PORCN: variants seen among roughly 807,000 people sequenced by gnomAD.
PORCN encodes the protein porcupine O-acyltransferase, also known as protein-serine O-palmitoleoyltransferase porcupine.
Under a neutral mutation model 43.0 loss-of-function variants are expected in PORCN, and 1 was observed. The observed-to-expected ratio is 0.02, with a 90% confidence interval of 0.01 to 0.11. The LOEUF (loss-of-function observed/expected upper bound fraction) is 0.11, where lower values mean the gene tolerates loss of function less well. Among genes scored for constraint, PORCN ranks in the 10% least tolerant of loss-of-function variants. The pLI is 1.00. For synonymous variants in PORCN, 148 were observed against 166.4 expected, an observed-to-expected ratio of 0.89 and a Z score of 0.85; for missense variants, 240 against 392.1, an observed-to-expected ratio of 0.61 and a Z score of 3.28.
chrX:48,513,175 T>C (rs1278054246), intron 7 of PORCN, among the ~76,000 whole-genome samples: 4 of 112,765 alleles, frequency 3.5e-5, no homozygotes, highest in African/African-American at 9.7e-5. Flanking sequence ...GGGATATGTA[T>C]GATGTATGTT....
At chrX:48,518,516 C>T (rs1041903420) in intron 14 of PORCN, among the ~76,000 whole-genome samples, 2 of 111,278 alleles carry the variant, frequency 1.8e-5, no homozygotes, top group South Asian at 3.7e-4. Context: ...CCACCACGCC[C>T]GGCCAAAAAA....
At chrX:48,518,470 C>A (rs191796259) in intron 14 of PORCN, among the ~76,000 whole-genome samples, 1 of 111,925 alleles carries the variant, frequency 8.9e-6, no homozygotes, top group Non-Finnish European at 1.9e-5. Context: ...ATCCACCCGC[C>A]TCAGCCTCCC....
chrX:48,516,163 G>A lies in PORCN; in HGVS notation c.1173+17G>A. On this transcript the variant is annotated intron_variant, in intron 13 of 14. Coordinates refer to ENST00000326194, the MANE Select transcript of PORCN (RefSeq NM_203475.3). ...CATCGCTTGGTGAGGGTTCAGCCTG[G>A]GCAACCTTGTGCCCAACACTCCCTG... is the stretch of plus-strand genomic sequence containing the variant. The A allele has an allele frequency of 8.4e-7, 1 of 1,195,832 alleles. No homozygotes were observed. Among genetic ancestry groups the A allele is most frequent in the Non-Finnish European group, 1.1e-6 (1 of 881,563 alleles).
rs1602085886 is a variant in PORCN at position 48,520,672 on chromosome X, G to A, written c.*196G>A. ...CAATCCCCACCCCACCACAAGGCAG[G>A]AAGGGGGTGGTGCCTGCTGGGGCCT... On this transcript the variant is annotated 3_prime_UTR_variant, in exon 15 of 15. Transcript: ENST00000326194. 5 of 467,740 alleles carry A rather than the reference G, an allele frequency of 1.1e-5. No individual in the cohort carries two copies. The highest frequency in any genetic ancestry group is 8.5e-5 in the Admixed American group (3 of 35,375). 38.5% of individuals were successfully genotyped at this position (467,740 alleles called of 1,213,427 possible).
Position 48,512,380 on chromosome X carries a change from G to A in PORCN, c.428G>A (p.Arg143Gln), listed in dbSNP as rs2061682669. The change falls in exon 5 of 15, where the codon CGG (arginine) becomes CAG (glutamine). Residue 143 changes from arginine (R) to glutamine (Q), a missense_variant. By Grantham distance (43) the Arg-to-Gln change is conservative. Transcript: ENST00000326194. ...GTGTCTCTGGGCTTCGACCTGGACCGGGGCGAGGTGGGTACGGTGCCCTCG... is the reference window on the plus strand; with the variant it reads ...GTGTCTCTGGGCTTCGACCTGGACCAGGGCGAGGTGGGTACGGTGCCCTCG... ...KAVSLGFDLDRGEVGTVPSPV... is the reference protein window; with the variant it reads ...KAVSLGFDLDQGEVGTVPSPV... 5 of 1,210,083 alleles carry A rather than the reference G, an allele frequency of 4.1e-6. No homozygotes were observed. The highest frequency in any genetic ancestry group is 3.0e-5 in the East Asian group (1 of 33,749).
In PORCN at chrX:48,511,325, C is replaced by A; in HGVS notation, c.167C>A (p.Thr56Asn). The part of the protein sequence containing the change: ...GLPSYLKHAS[T>N]VAGGFFSLYH... ...CCATCCTACCTGAAGCATGCAAGCACCGTGGCAGGCGGGTTCTTCAGCCTC... is the reference window on the plus strand; with the variant it reads ...CCATCCTACCTGAAGCATGCAAGCAACGTGGCAGGCGGGTTCTTCAGCCTC... The change falls in exon 3 of 15, where the codon ACC (threonine) becomes AAC (asparagine). Residue 56 changes from threonine (T) to asparagine (N), a missense_variant. By Grantham distance (65) the Thr-to-Asn change is moderately conservative. Transcript: ENST00000326194. 8.3e-7 allele frequency: 1 copy of A among 1,211,272 alleles called. No individual in the cohort carries two copies. The highest frequency in any genetic ancestry group is 1.1e-6 in the Non-Finnish European group (1 of 895,238).
At position 48,520,566 on chromosome X, in the gene PORCN, G is replaced by A; in HGVS notation, c.*90G>A. ...AGGGAAGGCCCTCTCTCTACTCCTTGACCCCCTCCATCCTTGACCCCCAAC... is the reference window on the plus strand; with the variant it reads ...AGGGAAGGCCCTCTCTCTACTCCTTAACCCCCTCCATCCTTGACCCCCAAC... On this transcript the variant is annotated 3_prime_UTR_variant, in exon 15 of 15. Coordinates refer to ENST00000326194, the MANE Select transcript of PORCN (RefSeq NM_203475.3). 1 of 633,533 alleles carries A rather than the reference G, an allele frequency of 1.6e-6. No homozygotes were observed. The allele number at this position is 633,533 out of a possible 1,213,427, so 52.2% of individuals were successfully genotyped here.
At chrX:48,515,528 T>A in intron 10 of PORCN, 189 bp from the exon 11 acceptor site, 1 of 476,876 alleles carries the variant, frequency 2.1e-6, no homozygotes. Context: ...TGACTGAACT[T>A]GATGAGACTG....
At chrX:48,511,239 T>G in intron 2 of PORCN, 56 bp from the exon 3 acceptor site, 1 of 450,317 alleles carries the variant, frequency 2.2e-6, no homozygotes, top group Admixed American at 2.6e-5. Context: ...CCACTCCCTC[T>G]CTTTCTCTCT....
chrX:48,515,561 G>A lies in PORCN; in HGVS notation c.947-156G>A, dbSNP rs367864744. 98 of 506,195 alleles carry A rather than the reference G, an allele frequency of 1.9e-4. No individual in the cohort carries two copies. In the South Asian group the frequency reaches 2.4e-3, roughly 12 times the overall value. 41.7% of individuals were successfully genotyped at this position (506,195 alleles called of 1,213,427 possible). ...CTGGGAGGAGCAGGCTGGGAAGATC[G>A]GGAGCTGGGCTTTGGGCATGTGAAG... On this transcript the variant is annotated intron_variant, in intron 10 of 14. Transcript: ENST00000326194.
chrX:48,513,004 T>C (rs1293096629), intron 7 of PORCN, 152 bp downstream of exon 7: 1 of 696,351 alleles, frequency 1.4e-6, no homozygotes, highest in African/African-American at 2.1e-5. Context: ...CTGACGAAGC[T>C]TGGCTCTGTG....
chrX:48,513,950 T>A (rs782249853), intron 7 of PORCN, among the ~76,000 whole-genome samples, 177 bp from the exon 8 acceptor site: 40 of 112,890 alleles, frequency 3.5e-4, no homozygotes, highest in Non-Finnish European at 7.5e-4. Flanking sequence ...ATGCATCCAT[T>A]TGAGCCACAT....
chrX:48,510,177 C>G (rs1489087150), intron 2 of PORCN, among the ~76,000 whole-genome samples: 19 of 110,922 alleles, frequency 1.7e-4, no homozygotes, highest in African/African-American at 6.2e-4. Context: ...CCACACCGAG[C>G]CACATCCTGC....
rs782086023 is a variant in PORCN at position 48,511,427 on chromosome X, G to A, written c.269G>A (p.Arg90Gln). The A allele has an allele frequency of 4.1e-6, 5 of 1,209,188 alleles. No individual in the cohort carries two copies. The highest frequency in any genetic ancestry group is 5.6e-6 in the Non-Finnish European group (5 of 894,890). The change falls in exon 3 of 15, where the codon CGA becomes CAA. Residue 90 changes from arginine (R) to glutamine (Q), a missense_variant. Physicochemically the swap from Arg to Gln is conservative, Grantham distance 43. Transcript: ENST00000326194. ...TGCTACCTCGTGCTGTTCCTCTGCC[G>A]ACATTCCTCCCATCGAGGCGTCTTC... Reference protein sequence around the residue: ...LLCYLVLFLCRHSSHRGVFLS... With the variant: ...LLCYLVLFLCQHSSHRGVFLS...
chrX:48,520,652 C>T lies in PORCN; in HGVS notation c.*176C>T, dbSNP rs543389146. ...CACACCATTTTCATGCCTGTCAATC[C>T]CCACCCCACCACAAGGCAGGAAGGG... On this transcript the variant is annotated 3_prime_UTR_variant, in exon 15 of 15. Transcript: ENST00000326194. The T allele has an allele frequency of 2.1e-6, 1 of 479,925 alleles. No homozygotes were observed. Among genetic ancestry groups the T allele is most frequent in the South Asian group, 2.8e-5 (1 of 35,598 alleles). The allele number at this position is 479,925 out of a possible 1,213,427, so 39.6% of individuals were successfully genotyped here. A position where few individuals can be genotyped will look rare whatever the true frequency, so the allele number is the denominator to read the frequency against.
chrX:48,511,442 G>C lies in PORCN; in HGVS notation c.284G>C (p.Arg95Pro). 8.3e-7 allele frequency: 1 copy of C among 1,210,930 alleles called. No homozygotes were observed. Among genetic ancestry groups the C allele is most frequent in the South Asian group, 1.8e-5 (1 of 56,951 alleles). Residue 95 changes from arginine (R) to proline (P), a missense_variant, in exon 3 of 15, where the codon CGA becomes CCA. By Grantham distance (103) the Arg-to-Pro change is moderately radical. Coordinates refer to ENST00000326194, the MANE Select transcript of PORCN (RefSeq NM_203475.3). ...TTCCTCTGCCGACATTCCTCCCATCGAGGCGTCTTCCTATCCGTCACCATC... is the reference window on the plus strand; with the variant it reads ...TTCCTCTGCCGACATTCCTCCCATCCAGGCGTCTTCCTATCCGTCACCATC... ...VLFLCRHSSH[R>P]GVFLSVTILI...
chrX:48,512,157 T>A lies in PORCN; in HGVS notation c.374-169T>A, dbSNP rs782403571. The A allele has an allele frequency of 2.6e-5, 15 of 566,815 alleles. No individual in the cohort carries two copies. The African/African-American group carries it at 3.2e-4, about 12-fold the overall frequency. The allele number at this position is 566,815 out of a possible 1,213,427, so 46.7% of individuals were successfully genotyped here. ...CATGTATGTGCCTGACTCTCTGGAG[T>A]AAGGGCATCTATCTGTCCTGGGCTT... On this transcript the variant is annotated intron_variant, in intron 4 of 14. Coordinates refer to ENST00000326194, the MANE Select transcript of PORCN (RefSeq NM_203475.3).
chrX:48,511,702 G>C (rs1450155802), intron 3 of PORCN, among the ~76,000 whole-genome samples, 190 bp from the exon 4 acceptor site: 1 of 111,298 alleles, frequency 9.0e-6, no homozygotes, highest in Non-Finnish European at 1.9e-5. Flanking sequence ...CCTTTCACAG[G>C]ACTGTAAGGG....
chrX:48,514,206 G>A (rs782570641), intron 8 of PORCN, 34 bp from the exon 9 acceptor site: 12 of 1,210,381 alleles, frequency 9.9e-6, no homozygotes, highest in South Asian at 8.8e-5. Context: ...GGACCTGAAC[G>A]TGATGCCTCT....
Sources: allele counts gnomAD v4.1 joint callset (sites outside exome capture counted in the v4.1 genomes callset), GRCh38; gene constraint gnomAD v4.1.1; transcripts MANE v1.5; gene names NCBI Gene and HGNC (gene_info 2026-07-23, HGNC 2026-07-21).